VPS13C: variants seen among roughly 807,000 people sequenced by gnomAD.
VPS13C encodes vacuolar protein sorting 13 homolog C.
In VPS13C, 358 loss-of-function variants were observed where a neutral mutation model predicts 456.8. That is an observed-to-expected ratio of 0.78 (90% CI 0.72 to 0.86). The LOEUF (loss-of-function observed/expected upper bound fraction) is 0.86. VPS13C is among the 40% of genes least tolerant of loss of function. The pLI is 0.00. For missense variants in VPS13C, 4,818 were observed against 4,385.4 expected, an observed-to-expected ratio of 1.10 and a Z score of -2.79; for synonymous variants, 1,578 against 1,486.7, an observed-to-expected ratio of 1.06 and a Z score of -1.41.
intron 66 of VPS13C, among the ~76,000 whole-genome samples, chr15:61,894,622 C>T (rs1360763768): frequency 1.3e-5 from 2 of 151,358 alleles, no homozygotes; most frequent in Non-Finnish European, 2.9e-5. Flanking sequence ...GATTTCAAGG[C>T]TAAGATTACA....
intron 37 of VPS13C, 113 bp downstream of exon 37, chr15:61,958,495 T>C (rs1013816200): frequency 6.2e-6 from 4 of 648,672 alleles, no homozygotes; most frequent in South Asian, 2.0e-5. Flanking sequence ...TACTCGGTAA[T>C]ACAAACTGCA....
In VPS13C at chr15:61,969,448, A is replaced by C. The variant is rs764031733; in HGVS notation, c.2762T>G (p.Ile921Ser). 4.6e-6 allele frequency: 7 copies of C among 1,526,726 alleles called. No homozygotes were observed. In the African/African-American group the frequency reaches 9.7e-5, roughly 21 times the overall value. 94.6% of individuals were successfully genotyped at this position (1,526,726 alleles called of 1,614,324 possible). The change falls in exon 28 of 85, where the codon ATT becomes AGT. Residue 921 changes from isoleucine to serine, a missense_variant. Around this residue, in one of 3 missense-constraint regions of VPS13C, gnomAD observed 4,552 missense variants for 4,130.6 expected, o/e 1.10. Coordinates refer to ENST00000644861, the MANE Select transcript of VPS13C (RefSeq NM_020821.3). ...LLLKFEIKEV[I>S]LEFTKQQKEE... ...TTTCTGCTGTTTAGTAAATTCCAAA[A>C]TCACCTAAAAGAATTAGAGTCAATG...
Position 61,983,985 on chromosome 15 carries a change from A to G in VPS13C, c.1749T>C (p.Tyr583=). 6.2e-7 allele frequency: 1 copy of G among 1,613,938 alleles called. No individual in the cohort carries two copies. Among genetic ancestry groups the G allele is most frequent in the East Asian group, 2.2e-5 (1 of 44,868 alleles). The change falls in exon 20 of 85, where the codon TAT becomes TAC. Residue 583 remains tyrosine (Y), a synonymous_variant. Transcript: ENST00000644861. ...TATCCTGCTGTCTCAAACCTGTTAT[A>G]TACCAGTGTTCTAATTTCGCTTCTA... is the stretch of plus-strand genomic sequence containing the variant. The part of the protein sequence containing the change: ...LKVEAKLEHW[Y]ITGLRQQDIV...
chr15:62,058,997 A>T (rs773652057), intron 1 of VPS13C, among the ~76,000 whole-genome samples: 1 of 152,208 alleles, frequency 6.6e-6, no homozygotes, highest in Non-Finnish European at 1.5e-5. Flanking sequence ...AGCATTGCCC[A>T]ATATATGTTC....
At chr15:61,994,857 G>A (rs1237137589) in intron 16 of VPS13C, among the ~76,000 whole-genome samples, 1 of 152,112 alleles carries the variant, frequency 6.6e-6, no homozygotes, top group Non-Finnish European at 1.5e-5. Flanking sequence ...CAAAGGGCTG[G>A]GATTACAGGA....
At chr15:61,928,104 A>T (rs753321008) in intron 51 of VPS13C, among the ~76,000 whole-genome samples, 10 of 151,992 alleles carry the variant, frequency 6.6e-5, no homozygotes, top group Non-Finnish European at 1.3e-4. Context: ...ATGACGAGTT[A>T]ATGGGTACAG....
chr15:62,052,482 T>C (rs1192094325), intron 1 of VPS13C, among the ~76,000 whole-genome samples: 1 of 151,944 alleles, frequency 6.6e-6, no homozygotes, highest in East Asian at 1.9e-4. Flanking sequence ...AAGACCATCC[T>C]GATACGGTGA....
chr15:61,969,213 T>C (rs972898137), intron 28 of VPS13C, 86 bp downstream of exon 28: 13 of 984,336 alleles, frequency 1.3e-5, no homozygotes, highest in Non-Finnish European at 1.2e-5. Flanking sequence ...TTATTTATTA[T>C]AAATACAATA....
At chr15:62,001,029 A>G (rs1474683689) in intron 15 of VPS13C, among the ~76,000 whole-genome samples, 7 of 152,192 alleles carry the variant, frequency 4.6e-5, no homozygotes, top group Non-Finnish European at 7.3e-5. Flanking sequence ...CAAAACACAT[A>G]ATATTTAAGA....
intron 1 of VPS13C, among the ~76,000 whole-genome samples, chr15:62,052,898 G>T (rs990923707): frequency 1.3e-5 from 2 of 152,030 alleles, no homozygotes; most frequent in Admixed American, 6.6e-5. Context: ...GTAGAAAGCT[G>T]CAACATCACC....
chr15:61,969,387 C>T lies in VPS13C; in HGVS notation c.2823G>A (p.Gln941=). The change falls in exon 28 of 85, where the codon CAG becomes CAA. Residue 941 remains glutamine (Q), a synonymous_variant. Coordinates refer to ENST00000644861, the MANE Select transcript of VPS13C (RefSeq NM_020821.3). ...TTCTCATTGTGGCCTCTGTTCCTAA[C>T]TGAGTAACATTAAATACTAGAATTG... ...EDTILVFNVT[Q]LGTEATMRTF... 1 of 1,597,180 alleles carries T rather than the reference C, an allele frequency of 6.3e-7. No homozygotes were observed. Among genetic ancestry groups the T allele is most frequent in the Non-Finnish European group, 8.5e-7 (1 of 1,171,504 alleles).
At chr15:61,916,303 T>C (rs1450305748) in intron 60 of VPS13C, among the ~76,000 whole-genome samples, 1 of 152,178 alleles carries the variant, frequency 6.6e-6, no homozygotes, top group Non-Finnish European at 1.5e-5. Flanking sequence ...AAAGACTAGA[T>C]TCAGGAAGCC....
rs761760948 is a variant in VPS13C at position 61,863,489 on chromosome 15, G to A, written c.10903C>T (p.His3635Tyr). 2 of 1,612,438 alleles carry A rather than the reference G, an allele frequency of 1.2e-6. No homozygotes were observed. The highest frequency in any genetic ancestry group is 1.1e-5 in the South Asian group (1 of 90,930). ...TTCTTGCTTCCAGGAATAGCACAGT[G>A]GTATCGGTAAGTCTCTCCTTCCAAC... The part of the protein sequence containing the change: ...KKLEGETYRY[H>Y]CAIPGSKKTI... The change falls in exon 82 of 85, where the codon CAC becomes TAC. Residue 3635 changes from histidine to tyrosine, a missense_variant. Around this residue, in one of 3 missense-constraint regions of VPS13C, gnomAD observed 261 missense variants for 234.1 expected, o/e 1.11. Transcript: ENST00000644861.
rs777071466 is a variant in VPS13C at position 61,963,911 on chromosome 15, C to A, written c.3255G>T (p.Arg1085Ser). ...SSRDSDIIDF[R>S]LFAKLNAFCV... ...AGAAAGCATTCAACTTGGCAAATAGCCTGAAATCAATAATGTCACTATCTC... is the reference window on the plus strand; with the variant it reads ...AGAAAGCATTCAACTTGGCAAATAGACTGAAATCAATAATGTCACTATCTC... The change falls in exon 32 of 85, where the codon AGG becomes AGT. Residue 1085 changes from arginine to serine, a missense_variant. By Grantham distance (110) the Arg-to-Ser change is moderately radical. Around this residue, in one of 3 missense-constraint regions of VPS13C, gnomAD observed 4,552 missense variants for 4,130.6 expected, o/e 1.10. Transcript: ENST00000644861. 5 of 1,611,660 alleles carry A rather than the reference C, an allele frequency of 3.1e-6. No homozygotes were observed. The highest frequency in any genetic ancestry group is 4.2e-6 in the Non-Finnish European group (5 of 1,178,458).
At chr15:61,927,057 T>A (rs773907805) in intron 52 of VPS13C, 34 bp downstream of exon 52, 38 of 1,584,372 alleles carry the variant, frequency 2.4e-5, no homozygotes, top group Non-Finnish European at 3.1e-5. Context: ...CTGCCATTCT[T>A]CAACCCAAGA....
chr15:61,974,387 C>T lies in VPS13C; in HGVS notation c.2439G>A (p.Met813Ile). The T allele has an allele frequency of 6.2e-7, 1 of 1,612,514 alleles. No individual in the cohort carries two copies. Among genetic ancestry groups the T allele is most frequent in the South Asian group, 1.1e-5 (1 of 91,026 alleles). Residue 813 changes from methionine (M) to isoleucine (I), a missense_variant, in exon 25 of 85, where the codon ATG (methionine) becomes ATA (isoleucine). By Grantham distance (10) the Met-to-Ile change is conservative. Transcript: ENST00000644861. The part of the protein sequence containing the change: ...RFKVSGGLPL[M>I]HVRISDQKMK... ...TCTTCTGGTCAGAAATTCTCACATG[C>T]ATCAAAGGAAGTCCTCCTGACACTT...
At chr15:61,881,683 A>C (rs1895865520) in intron 70 of VPS13C, 51 bp from the exon 71 acceptor site, 1 of 1,601,738 alleles carries the variant, frequency 6.2e-7, no homozygotes, top group Non-Finnish European at 8.5e-7. Flanking sequence ...ATACTAGGTT[A>C]AACTAATGCC....
At chr15:62,006,278 C>T (rs1418007415) in intron 15 of VPS13C, among the ~76,000 whole-genome samples, 3 of 152,084 alleles carry the variant, frequency 2.0e-5, no homozygotes, top group East Asian at 1.9e-4. Flanking sequence ...CAACAGTCCC[C>T]GGTGTGTGAT....
At chr15:61,915,296 A>G (rs1045524000) in intron 61 of VPS13C, among the ~76,000 whole-genome samples, 1 of 152,202 alleles carries the variant, frequency 6.6e-6, no homozygotes, top group African/African-American at 2.4e-5. Context: ...CAACTAATAT[A>G]TGCCAAATTC....
Sources: gnomAD v4.1 joint callset for allele counts (sites outside exome capture counted in the v4.1 genomes callset) on GRCh38, gnomAD v4.1.1 for gene constraint, gnomAD v4.1.1 regional missense constraint, MANE v1.5 for transcripts, NCBI Gene and HGNC (gene_info 2026-07-23, HGNC 2026-07-21) for gene names.